Variants in PDE1A observed in about 807,000 individuals in gnomAD.
The protein encoded by PDE1A is dual specificity calcium/calmodulin-dependent 3',5'-cyclic nucleotide phosphodiesterase 1A.
In PDE1A, 35 loss-of-function variants were observed where a neutral mutation model predicts 61.7. The observed-to-expected ratio is 0.57, with a 90% CI of 0.43 to 0.75. PDE1A has a LOEUF of 0.75. Among genes scored for constraint, PDE1A ranks in the 30% least tolerant of loss-of-function variants. The pLI is 0.00. For missense variants in PDE1A, 597 were observed against 630.6 expected, an observed-to-expected ratio of 0.95 and a Z score of 0.57; for synonymous variants, 232 against 213.2, an observed-to-expected ratio of 1.09 and a Z score of -0.77.
At chr2:182,543,365 T>C in the PDE1A span, among the ~76,000 whole-genome samples, 1 of 152,224 alleles carries the variant, frequency 6.6e-6, no homozygotes, top group Non-Finnish European at 1.5e-5. Context: ...CCACTGACCA[T>C]TGTTATAAGC....
intron 7 of PDE1A, among the ~76,000 whole-genome samples, chr2:182,217,254 T>C (rs1688267249): frequency 1.1e-5 from 1 of 94,666 alleles, no homozygotes; most frequent in East Asian, 3.9e-4. Flanking sequence ...TTATACCTTA[T>C]ACAAAAATCA....
intron 2 of PDE1A, among the ~76,000 whole-genome samples, chr2:182,445,310 A>T (rs1288552879): frequency 6.6e-6 from 1 of 152,130 alleles, no homozygotes; most frequent in African/African-American, 2.4e-5. Context: ...TCAGCTTTTT[A>T]TTGATAGAAA....
At chr2:182,713,654 AAATG>A in the PDE1A span, among the ~76,000 whole-genome samples, 2 of 152,082 alleles carry the variant, frequency 1.3e-5, no homozygotes, top group African/African-American at 2.4e-5. Context: ...ATAAATAAAT[AAATG>A]AACTGTGTAA....
In PDE1A at chr2:182,362,746, A is replaced by G. The variant is rs554531781; in HGVS notation, c.53+63832T>C. Reference sequence around the variant, plus strand: ...TACCCAAAGGAATATAAATTGTTGTATCATAAAGACACATACATGCACTAT... The same window carrying G: ...TACCCAAAGGAATATAAATTGTTGTGTCATAAAGACACATACATGCACTAT... On this transcript the variant is annotated intron_variant, in intron 1 of 13. Coordinates refer to ENST00000351439, the Ensembl canonical transcript of PDE1A. 9.2e-5 allele frequency among the ~76,000 whole-genome samples: 14 copies of G among 152,162 alleles called. No individual in the cohort carries two copies. The East Asian group carries it at 2.5e-3, about 27-fold the overall frequency.
the PDE1A span, among the ~76,000 whole-genome samples, chr2:182,628,823 C>T: frequency 3.9e-5 from 6 of 152,098 alleles, no homozygotes; most frequent in South Asian, 2.1e-4. Context: ...CTTGACCCCC[C>T]CAGTGATCCA....
At chr2:182,571,947 C>T in the PDE1A span, among the ~76,000 whole-genome samples, 1 of 152,172 alleles carries the variant, frequency 6.6e-6, no homozygotes, top group Non-Finnish European at 1.5e-5. Context: ...GTGGCAAAGT[C>T]ATCTTTGTGA....
the PDE1A span, among the ~76,000 whole-genome samples, chr2:182,608,502 G>C: frequency 2.6e-5 from 4 of 152,318 alleles, no homozygotes; most frequent in South Asian, 2.1e-4. Flanking sequence ...AGGCGCTTGC[G>C]GGCCAGCGCG....
At chr2:182,252,235 T>C (rs1691453386) in intron 2 of PDE1A, among the ~76,000 whole-genome samples, 1 of 152,236 alleles carries the variant, frequency 6.6e-6, no homozygotes, top group South Asian at 2.1e-4. Context: ...TTTGCTTATT[T>C]TGATGCATAT....
At chr2:182,611,660 C>T in the PDE1A span, among the ~76,000 whole-genome samples, 5 of 151,836 alleles carry the variant, frequency 3.3e-5, no homozygotes, top group Admixed American at 6.6e-5. Flanking sequence ...ATTCCAAAGA[C>T]GGTGCTTTTA....
intron 1 of PDE1A, among the ~76,000 whole-genome samples, chr2:182,364,494 A>AAAAAAAAAAC (rs1699723127): frequency 6.9e-6 from 1 of 145,662 alleles, no homozygotes; most frequent in Non-Finnish European, 1.5e-5. Context: ...AAAAAAAAAA[A>AAAAAAAAAAC]AAAAACCTTA....
At chr2:182,578,181 A>G in the PDE1A span, among the ~76,000 whole-genome samples, 2 of 152,228 alleles carry the variant, frequency 1.3e-5, no homozygotes, top group Non-Finnish European at 2.9e-5. Flanking sequence ...AAAGCATAAC[A>G]TGGATCTCTT....
At chr2:182,210,202 T>G (rs369971669) in intron 7 of PDE1A, among the ~76,000 whole-genome samples, 7 of 152,236 alleles carry the variant, frequency 4.6e-5, no homozygotes, top group African/African-American at 1.7e-4. Context: ...AGTTTCAATT[T>G]TGTAATAAAT....
chr2:182,627,437 T>C, the PDE1A span, among the ~76,000 whole-genome samples: 1 of 135,100 alleles, frequency 7.4e-6, no homozygotes, highest in Non-Finnish European at 1.5e-5. Context: ...TAAATATATA[T>C]ATATAAAATC....
At chr2:182,702,765 C>T in the PDE1A span, among the ~76,000 whole-genome samples, 1 of 152,176 alleles carries the variant, frequency 6.6e-6, no homozygotes, top group Non-Finnish European at 1.5e-5. Flanking sequence ...TGCTCTGAGT[C>T]AATCTAAACT....
At chr2:182,427,624 AT>A (rs1413783062), upstream of PDE1A, among the ~76,000 whole-genome samples, 2 of 152,212 alleles carry the variant, frequency 1.3e-5, no homozygotes, top group African/African-American at 4.8e-5. Flanking sequence ...AAAAGAAGGT[AT>A]AAAAGAATTT....
the PDE1A span, among the ~76,000 whole-genome samples, chr2:182,672,126 T>C: frequency 6.6e-6 from 1 of 152,224 alleles, no homozygotes; most frequent in African/African-American, 2.4e-5. Flanking sequence ...CTAGTTTTCT[T>C]CAGTGACTAT....
chr2:182,353,691 C>T (rs528547868), intron 1 of PDE1A, among the ~76,000 whole-genome samples: 1 of 151,762 alleles, frequency 6.6e-6, no homozygotes, highest in Admixed American at 6.6e-5. Flanking sequence ...ATATAAAAAC[C>T]TATCTGTTTC....
chr2:182,189,101 G>T, intron 10 of PDE1A, 41 bp from the exon 11 acceptor site: 1 of 1,363,628 alleles, frequency 7.3e-7, no homozygotes, highest in Non-Finnish European at 1.0e-6. Context: ...TTGGGTTGGA[G>T]AAGCTAAAAT....
chr2:182,640,163 T>A, the PDE1A span, among the ~76,000 whole-genome samples: 1 of 152,230 alleles, frequency 6.6e-6, no homozygotes, highest in African/African-American at 2.4e-5. Flanking sequence ...AAGCTGTTAT[T>A]CAAGTGTGAA....
Sources: gnomAD v4.1 joint callset for allele counts (sites outside exome capture counted in the v4.1 genomes callset) on GRCh38, gnomAD v4.1.1 for gene constraint, MANE v1.5 for transcripts, NCBI Gene and HGNC (gene_info 2026-07-23, HGNC 2026-07-21) for gene names.